The following ANKRD44 variants were observed in gnomAD, a reference collection of about 807,000 sequenced individuals.
ANKRD44 encodes the protein serine/threonine-protein phosphatase 6 regulatory ankyrin repeat subunit B.
Under a neutral mutation model 116.0 loss-of-function variants are expected in ANKRD44, and 35 were observed. The ratio of observed to expected loss-of-function variants is 0.30; its 90% CI spans 0.23 to 0.40. The LOEUF is 0.40. Ranked by LOEUF, ANKRD44 falls within the 10% of genes least tolerant of loss-of-function variation. ANKRD44 has a pLI of 1.00. For synonymous variants in ANKRD44, 435 were observed against 461.8 expected, an observed-to-expected ratio of 0.94 and a Z score of 0.74; for missense variants, 1,014 against 1,242.6, an observed-to-expected ratio of 0.82 and a Z score of 2.77.
At chr2:197,187,644 TTCTCTCTCTCTCTCTCTCTC>T (rs55952976) in intron 1 of ANKRD44, among the ~76,000 whole-genome samples, 1 of 134,638 alleles carries the variant, frequency 7.4e-6, no homozygotes, top group Non-Finnish European at 1.7e-5. Flanking sequence ...CACGTTCTCA[TTCTCTCTCTCTCTCTCTCTC>T]TCTCTCTCTC....
chr2:197,265,982 T>C (rs1470201454), intron 1 of ANKRD44, among the ~76,000 whole-genome samples: 1 of 152,102 alleles, frequency 6.6e-6, no homozygotes, highest in African/African-American at 2.4e-5. Context: ...CATAGCCCTA[T>C]ATAAAAATGA....
intron 4 of ANKRD44, among the ~76,000 whole-genome samples, chr2:197,127,970 C>T (rs1156337676): frequency 6.6e-6 from 1 of 152,192 alleles, no homozygotes; most frequent in Admixed American, 6.5e-5. Flanking sequence ...CTTCCAGCTC[C>T]ATTCGTGTTC....
At position 196,976,293 on chromosome 2, in the gene ANKRD44, C is replaced by A. The variant is rs556385845; in HGVS notation, c.2369-8847G>T. ...CTGGGACTACAGGCACCAGCCACCA[C>A]GCCTGGCTAATTTTTTGTATTTTTA... On this transcript the variant is annotated intron_variant, in intron 21 of 21. Coordinates refer to the ANKRD44 transcript ENST00000424317. 5.3e-5 allele frequency among the ~76,000 whole-genome samples: 8 copies of A among 152,086 alleles called. No individual in the cohort carries two copies. The South Asian group carries it at 6.2e-4, about 12-fold the overall frequency.
chr2:197,284,344 T>C (rs1171168366), intron 1 of ANKRD44, among the ~76,000 whole-genome samples: 2 of 152,184 alleles, frequency 1.3e-5, no homozygotes, highest in African/African-American at 2.4e-5. Flanking sequence ...AGGTCCAAGT[T>C]GCCTCACCAT....
chr2:197,217,986 T>A (rs961789708), intron 1 of ANKRD44, among the ~76,000 whole-genome samples: 4 of 152,162 alleles, frequency 2.6e-5, no homozygotes, highest in Non-Finnish European at 5.9e-5. Flanking sequence ...ATGGATAGAA[T>A]AAGATGGGCA....
chr2:197,215,369 T>A (rs2125708948), intron 1 of ANKRD44, among the ~76,000 whole-genome samples: 1 of 152,332 alleles, frequency 6.6e-6, no homozygotes, highest in Admixed American at 6.5e-5. Context: ...CTATTTTGCA[T>A]GTCATTGGCT....
chr2:197,228,283 C>T (rs1454863929), intron 1 of ANKRD44, among the ~76,000 whole-genome samples: 1 of 152,244 alleles, frequency 6.6e-6, no homozygotes, highest in Non-Finnish European at 1.5e-5. Flanking sequence ...CTTCCCCTAC[C>T]TCACAGGGTG....
At chr2:197,154,351 T>C (rs1281884629) in intron 2 of ANKRD44, among the ~76,000 whole-genome samples, 3 of 151,694 alleles carry the variant, frequency 2.0e-5, no homozygotes, top group Non-Finnish European at 4.4e-5. Context: ...GGCTAATTTT[T>C]TGTATTTTTA....
chr2:197,021,362 T>C (rs62185247), intron 17 of ANKRD44, among the ~76,000 whole-genome samples: 16,244 of 152,250 alleles, frequency 0.11, 1,034 homozygotes, highest in East Asian at 0.16. Context: ...TCTAGATCCT[T>C]GAGGAATTGC....
chr2:197,034,313 C>T (rs1001652623), intron 16 of ANKRD44, among the ~76,000 whole-genome samples: 1 of 152,008 alleles, frequency 6.6e-6, no homozygotes, highest in Admixed American at 6.6e-5. Context: ...TCAGAGAGTA[C>T]AATTTTATGC....
At chr2:197,168,124 C>T (rs956498634) in intron 2 of ANKRD44, among the ~76,000 whole-genome samples, 4 of 152,162 alleles carry the variant, frequency 2.6e-5, no homozygotes, top group African/African-American at 4.8e-5. Context: ...CATCAGCCAC[C>T]GGACATGTGA....
chr2:197,171,996 CTTCTTTT>C (rs2080247437), intron 2 of ANKRD44, among the ~76,000 whole-genome samples: 2 of 29,314 alleles, frequency 6.8e-5, no homozygotes, highest in Non-Finnish European at 2.8e-4. Context: ...CGTTATTTTT[CTTCTTTT>C]TTTTTTTTTT....
intron 4 of ANKRD44, 131 bp downstream of exon 4, chr2:197,136,461 T>A (rs965845489): frequency 1.3e-6 from 1 of 778,648 alleles, no homozygotes; most frequent in African/African-American, 1.7e-5. Context: ...TAAAAGCTGT[T>A]CATTTTGGGT....
At chr2:197,295,845 A>G (rs2083704634) in intron 1 of ANKRD44, among the ~76,000 whole-genome samples, 1 of 152,076 alleles carries the variant, frequency 6.6e-6, no homozygotes, top group African/African-American at 2.4e-5. Flanking sequence ...AGATCCCTTG[A>G]GTTCAGGAGT....
intron 24 of ANKRD44, 23 bp from the exon 25 acceptor site, chr2:196,998,442 G>A (rs1470055209): frequency 6.3e-7 from 1 of 1,585,476 alleles, no homozygotes; most frequent in African/African-American, 1.3e-5. Context: ...CCCAAAAGAG[G>A]GTTACTTAGA....
At chr2:197,016,087 T>G (rs1035189661) in intron 17 of ANKRD44, 16 of 439,038 alleles carry the variant, frequency 3.6e-5, no homozygotes, top group African/African-American at 3.3e-4. Context: ...CAGGTTACTT[T>G]GAGACAATTG....
At chr2:197,102,414 C>T (rs1478137934) in intron 9 of ANKRD44, among the ~76,000 whole-genome samples, 1 of 152,134 alleles carries the variant, frequency 6.6e-6, no homozygotes, top group African/African-American at 2.4e-5. Context: ...AGGCACGGTG[C>T]AATTTTACAC....
At chr2:197,175,426 A>G (rs2080342122) in intron 2 of ANKRD44, among the ~76,000 whole-genome samples, 1 of 152,228 alleles carries the variant, frequency 6.6e-6, no homozygotes, top group East Asian at 1.9e-4. Flanking sequence ...AAAGGCATAT[A>G]TGAAAAGCAA....
At chr2:197,272,119 C>T (rs935512928) in intron 1 of ANKRD44, among the ~76,000 whole-genome samples, 6 of 152,346 alleles carry the variant, frequency 3.9e-5, no homozygotes, top group African/African-American at 1.4e-4. Flanking sequence ...CTGCAGCCTG[C>T]AACTAGAAGA....
Sources: allele counts gnomAD v4.1 joint callset (sites outside exome capture counted in the v4.1 genomes callset), GRCh38; gene constraint gnomAD v4.1.1; transcripts MANE v1.5; gene names NCBI Gene and HGNC (gene_info 2026-07-23, HGNC 2026-07-21).